MIR2052HG: variants seen among roughly 807,000 people sequenced by gnomAD.
MIR2052HG encodes the protein MIR2052 host gene.
intron 4 of MIR2052HG, among the ~76,000 whole-genome samples, chr8:74,734,139 GA>G (rs1205552905): frequency 6.6e-6 from 1 of 151,814 alleles, no homozygotes; most frequent in Non-Finnish European, 1.5e-5. Flanking sequence ...AATTTACAAG[GA>G]GACATTTAGT....
At chr8:74,677,102 G>C (rs548758689) in intron 2 of MIR2052HG, among the ~76,000 whole-genome samples, 2 of 152,078 alleles carry the variant, frequency 1.3e-5, no homozygotes, top group African/African-American at 4.8e-5. Context: ...AGTAGAAATA[G>C]AAAAGATGAT....
intron 4 of MIR2052HG, among the ~76,000 whole-genome samples, chr8:74,730,960 T>C (rs749739971): frequency 1.2e-4 from 19 of 152,144 alleles, no homozygotes; most frequent in Admixed American, 5.2e-4. Context: ...AATATGTGAA[T>C]GGGGAAATAG....
chr8:74,665,615 T>C (rs560137268), intron 2 of MIR2052HG, among the ~76,000 whole-genome samples: 1 of 152,304 alleles, frequency 6.6e-6, no homozygotes, highest in South Asian at 2.1e-4. Flanking sequence ...CACATCTCTT[T>C]AGGATCATTT....
chr8:74,650,493 C>T (rs963432587), intron 2 of MIR2052HG, among the ~76,000 whole-genome samples: 3 of 152,040 alleles, frequency 2.0e-5, no homozygotes, highest in Non-Finnish European at 4.4e-5. Context: ...TTGAATAATG[C>T]TGCTATGGCC....
chr8:74,673,608 A>G (rs561610507), intron 2 of MIR2052HG, among the ~76,000 whole-genome samples: 1 of 152,094 alleles, frequency 6.6e-6, no homozygotes, highest in South Asian at 2.1e-4. Flanking sequence ...CAAATTTTAT[A>G]TATATGTGGC....
intron 2 of MIR2052HG, among the ~76,000 whole-genome samples, chr8:74,701,662 C>T (rs1407203994): frequency 6.6e-6 from 1 of 152,070 alleles, no homozygotes; most frequent in East Asian, 1.9e-4. Context: ...AGCTATTTTC[C>T]AGCATTCCTG....
rs4513946 is a variant in MIR2052HG, at chr8:74,674,221, C to T, written n.217-28158C>T. On this transcript the variant is annotated intron_variant and non_coding_transcript_variant, in intron 2 of 6. Transcript: ENST00000523442. Reference sequence around the variant, plus strand: ...TTTGGTTTCTGTGCCTGGATCATCACATTGAGAAAGATTGCTCAGAATGAA... The same window carrying T: ...TTTGGTTTCTGTGCCTGGATCATCATATTGAGAAAGATTGCTCAGAATGAA... 1.9e-3 allele frequency among the ~76,000 whole-genome samples: 282 copies of T among 151,138 alleles called. No individual in the cohort carries two copies. In the Middle Eastern group the frequency reaches 0.024, roughly 13 times the overall value.
At chr8:74,672,764 T>G (rs1165007262) in intron 2 of MIR2052HG, among the ~76,000 whole-genome samples, 1 of 152,098 alleles carries the variant, frequency 6.6e-6, no homozygotes, top group African/African-American at 2.4e-5. Context: ...ATTTCTGCTG[T>G]TTTATTATTT....
intron 4 of MIR2052HG, among the ~76,000 whole-genome samples, chr8:74,730,086 C>T (rs1441625488): frequency 1.3e-5 from 2 of 152,028 alleles, no homozygotes; most frequent in Non-Finnish European, 2.9e-5. Flanking sequence ...AATATACAAC[C>T]CCTGCCTTTT....
At chr8:74,628,408 G>A (rs1407546312) in intron 2 of MIR2052HG, among the ~76,000 whole-genome samples, 5 of 152,210 alleles carry the variant, frequency 3.3e-5, no homozygotes, top group Admixed American at 3.3e-4. Context: ...CTATGTTCGT[G>A]TGGCTCAGAT....
intron 2 of MIR2052HG, among the ~76,000 whole-genome samples, chr8:74,666,705 G>A (rs1021568291): frequency 2.0e-5 from 3 of 152,118 alleles, no homozygotes; most frequent in African/African-American, 4.8e-5. Context: ...AGATGGTGTC[G>A]AATTACCATC....
At chr8:74,674,136 TTGTG>T (rs60255659) in intron 2 of MIR2052HG, among the ~76,000 whole-genome samples, 1,619 of 145,392 alleles carry the variant, frequency 0.011, 29 homozygotes, top group African/African-American at 0.034. Context: ...CCAGAGGTTT[TTGTG>T]TGTGTGTGTG....
intron 4 of MIR2052HG, among the ~76,000 whole-genome samples, chr8:74,716,451 G>A (rs188260612): frequency 1.5e-3 from 229 of 152,280 alleles, no homozygotes; most frequent in Admixed American, 2.5e-3. Context: ...AGTGGCTCAT[G>A]CCTGTAATTC....
chr8:74,636,908 G>C (rs968062478), intron 2 of MIR2052HG, among the ~76,000 whole-genome samples: 11 of 152,168 alleles, frequency 7.2e-5, no homozygotes, highest in African/African-American at 2.4e-4. Context: ...GTTGGGACCT[G>C]AAGGTCTGCA....
At chr8:74,693,765 G>T (rs1036154054) in intron 2 of MIR2052HG, among the ~76,000 whole-genome samples, 2 of 151,850 alleles carry the variant, frequency 1.3e-5, no homozygotes, top group African/African-American at 4.8e-5. Context: ...TAACTCCATA[G>T]GTCTGAGAGC....
At chr8:74,752,811 G>T (rs1364639208) in intron 5 of MIR2052HG, among the ~76,000 whole-genome samples, 1 of 152,166 alleles carries the variant, frequency 6.6e-6, no homozygotes, top group African/African-American at 2.4e-5. Flanking sequence ...AAGTTTAATA[G>T]AACACAAATT....
chr8:74,700,200 A>G (rs556841510), intron 2 of MIR2052HG, among the ~76,000 whole-genome samples: 4 of 152,334 alleles, frequency 2.6e-5, no homozygotes, highest in African/African-American at 9.6e-5. Context: ...TGCTGTGTAT[A>G]TGTATGTGTG....
chr8:74,637,247 C>T (rs567457683), intron 2 of MIR2052HG, among the ~76,000 whole-genome samples: 58 of 152,012 alleles, frequency 3.8e-4, no homozygotes, highest in Non-Finnish European at 4.6e-4. Flanking sequence ...CCATGGGCTC[C>T]GTAGACCCAA....
chr8:74,673,901 A>G (rs1309184939), intron 2 of MIR2052HG, among the ~76,000 whole-genome samples: 1 of 139,158 alleles, frequency 7.2e-6, no homozygotes, highest in Admixed American at 7.0e-5. Context: ...ATATATATAT[A>G]TATATATATA....
Sources: gnomAD v4.1 joint callset for allele counts (sites outside exome capture counted in the v4.1 genomes callset) on GRCh38, gnomAD v4.1.1 for gene constraint, MANE v1.5 for transcripts, NCBI Gene and HGNC (gene_info 2026-07-23, HGNC 2026-07-21) for gene names.